IL1RAPL1: variants seen among roughly 807,000 people sequenced by gnomAD.
IL1RAPL1 encodes the protein interleukin-1 receptor accessory protein-like 1.
IL1RAPL1 carries 3 observed loss-of-function variants against 48.4 expected under a neutral mutation model. That is an observed-to-expected ratio of 0.06 (90% CI 0.03 to 0.16). The LOEUF (loss-of-function observed/expected upper bound fraction) is 0.16, where lower values mean the gene tolerates loss of function less well. Ranked by LOEUF, IL1RAPL1 falls within the 10% of genes least tolerant of loss-of-function variation. The pLI is 1.00. For synonymous variants in IL1RAPL1, 185 were observed against 187.7 expected (o/e 0.99, Z 0.12); for missense variants, 349 against 530.6 (o/e 0.66, Z 3.36).
chrX:29,639,058 C>T (rs1348406305), intron 5 of IL1RAPL1, among the ~76,000 whole-genome samples: 1 of 109,724 alleles, frequency 9.1e-6, no homozygotes, highest in Non-Finnish European at 1.9e-5. Flanking sequence ...TGGTGGTGGG[C>T]GCCTGTAGTC....
At chrX:29,234,140 G>A (rs972248573) in intron 2 of IL1RAPL1, among the ~76,000 whole-genome samples, 9 of 112,026 alleles carry the variant, frequency 8.0e-5, no homozygotes, top group South Asian at 3.7e-4. Context: ...CAGTTAAACC[G>A]CACTTGGACT....
chrX:28,768,703 TTC>T (rs1195886664), intron 1 of IL1RAPL1, among the ~76,000 whole-genome samples: 18 of 58,784 alleles, frequency 3.1e-4, no homozygotes, highest in Admixed American at 1.1e-3. Flanking sequence ...CTCTCTCTGT[TTC>T]TCTCTCTCTC....
chrX:28,689,062 A>T (rs911653864), intron 1 of IL1RAPL1, among the ~76,000 whole-genome samples: 2 of 111,428 alleles, frequency 1.8e-5, no homozygotes, highest in Non-Finnish European at 3.8e-5. Flanking sequence ...TATGTCCTAT[A>T]TAGAACCAAG....
chrX:29,824,722 G>A (rs1930695395), intron 6 of IL1RAPL1, among the ~76,000 whole-genome samples: 1 of 111,651 alleles, frequency 9.0e-6, no homozygotes, highest in Non-Finnish European at 1.9e-5. Flanking sequence ...AAATGAGAGG[G>A]TTAAACGCAT....
chrX:29,788,451 CTCTAA>C lies in IL1RAPL1; in HGVS notation c.778+119951_778+119955del, dbSNP rs774317363. Reference sequence around the variant, plus strand: ...AGGTCATGAAGCAACATTATCTGCACTCTAATCTGATCTCCTTGAATTCATAATGG... The same window carrying C: ...AGGTCATGAAGCAACATTATCTGCACTCTGATCTCCTTGAATTCATAATGG... On this transcript the variant is annotated intron_variant, in intron 6 of 10. Coordinates refer to ENST00000378993, the MANE Select transcript of IL1RAPL1 (RefSeq NM_014271.4). 2.3e-3 allele frequency among the ~76,000 whole-genome samples: 254 copies of C among 111,901 alleles called. 1 individual carries two copies. The highest frequency in any genetic ancestry group is 0.014 in the Middle Eastern group (3 of 217).
rs1300760423 is a variant in IL1RAPL1, at chrX:29,176,793, A to T, written c.83-106145A>T. 2.7e-5 allele frequency among the ~76,000 whole-genome samples: 3 copies of T among 110,514 alleles called. No individual in the cohort carries two copies. In the Admixed American group the frequency reaches 2.9e-4, roughly 11 times the overall value. On this transcript the variant is annotated intron_variant, in intron 2 of 10. Transcript: ENST00000378993. ...TCTGCTGTATTGTGCCCCCTTCCCC[A>T]CTAAAATCCTCAATGCCATTTACCA...
chrX:29,177,113 C>T (rs1052302975), intron 2 of IL1RAPL1, among the ~76,000 whole-genome samples: 1 of 111,285 alleles, frequency 9.0e-6, no homozygotes, highest in Non-Finnish European at 1.9e-5. Flanking sequence ...ACTGTATAGT[C>T]AACTGAGCTG....
chrX:28,965,508 A>T (rs1924898029), intron 2 of IL1RAPL1, among the ~76,000 whole-genome samples: 1 of 111,926 alleles, frequency 8.9e-6, no homozygotes, highest in Non-Finnish European at 1.9e-5. Context: ...AGAGAAAATA[A>T]ACCTTAGGAA....
rs764881240 is a variant in IL1RAPL1, at chrX:29,940,074, G to A, written c.1058-1577G>A. 3.6e-5 allele frequency among the ~76,000 whole-genome samples: 4 copies of A among 110,386 alleles called. No homozygotes were observed. The South Asian group carries it at 1.6e-3, about 43-fold the overall frequency. On this transcript the variant is annotated intron_variant, in intron 8 of 10. Coordinates refer to ENST00000378993, the MANE Select transcript of IL1RAPL1 (RefSeq NM_014271.4). ...GACAGGGTTTCGCCACGTTGGCCAG[G>A]CTGGTCTCAAACTCCTGACCTCAGG...
At chrX:28,789,783 A>G (rs1046516158) in intron 2 of IL1RAPL1, among the ~76,000 whole-genome samples, 1 of 111,981 alleles carries the variant, frequency 8.9e-6, no homozygotes, top group Non-Finnish European at 1.9e-5. Context: ...TTTTATTGTT[A>G]CCATTTTGAT....
chrX:28,833,999 ATTAT>A (rs1921140262), intron 2 of IL1RAPL1, among the ~76,000 whole-genome samples: 1 of 112,231 alleles, frequency 8.9e-6, no homozygotes, highest in African/African-American at 3.2e-5. Context: ...CCACTTTCAA[ATTAT>A]TTATTGAGGT....
chrX:29,411,705 C>CTTTTTTTT, intron 5 of IL1RAPL1, among the ~76,000 whole-genome samples: 1 of 95,986 alleles, frequency 1.0e-5, no homozygotes, highest in African/African-American at 3.8e-5. Context: ...GAAACAACTA[C>CTTTTTTTT]TTTTTTTTTT....
Position 29,691,723 on chromosome X carries a change from C to A in IL1RAPL1, c.778+23219C>A, listed in dbSNP as rs371147846. On this transcript the variant is annotated intron_variant, in intron 6 of 10. Transcript: ENST00000378993. ...TGCGCCACTGCAGTCCGCAGTCCGG[C>A]CTGGGCGACAGAGCGAGACTCCGTC... 6.5e-5 allele frequency among the ~76,000 whole-genome samples: 6 copies of A among 92,242 alleles called. No individual in the cohort carries two copies. The East Asian group carries it at 1.8e-3, about 28-fold the overall frequency. 80.1% of individuals were successfully genotyped at this position (92,242 alleles called of 115,157 possible).
chrX:28,831,024 C>CTGTGTGTGTGTGTG (rs150869644), intron 2 of IL1RAPL1, among the ~76,000 whole-genome samples: 3 of 59,230 alleles, frequency 5.1e-5, no homozygotes, highest in African/African-American at 2.3e-4. Context: ...CTCTCTCTCT[C>CTGTGTGTGTGTGTG]TCTGTGTGTG....
At chrX:29,317,820 A>T (rs971201108) in intron 3 of IL1RAPL1, among the ~76,000 whole-genome samples, 4 of 112,124 alleles carry the variant, frequency 3.6e-5, no homozygotes, top group African/African-American at 1.3e-4. Flanking sequence ...TGATATTGTA[A>T]AGATTTTTTT....
At chrX:29,902,828 G>A (rs1203339869) in intron 6 of IL1RAPL1, among the ~76,000 whole-genome samples, 2 of 111,388 alleles carry the variant, frequency 1.8e-5, no homozygotes, top group Non-Finnish European at 3.8e-5. Context: ...TAGTAATGTA[G>A]TATAAAATCT....
At chrX:29,553,507 C>T (rs1334124301) in intron 5 of IL1RAPL1, among the ~76,000 whole-genome samples, 1 of 111,544 alleles carries the variant, frequency 9.0e-6, no homozygotes, top group Non-Finnish European at 1.9e-5. Context: ...TTTTAGTGGG[C>T]CTGTGTCCCT....
intron 2 of IL1RAPL1, among the ~76,000 whole-genome samples, chrX:29,184,958 A>G (rs772817235): frequency 8.9e-6 from 1 of 112,169 alleles, no homozygotes; most frequent in East Asian, 2.8e-4. Flanking sequence ...ATAGAAGACA[A>G]TTTTGTGAGT....
intron 3 of IL1RAPL1, among the ~76,000 whole-genome samples, chrX:29,380,320 C>T (rs1287391282): frequency 5.4e-5 from 6 of 112,119 alleles, no homozygotes; most frequent in East Asian, 2.8e-4. Flanking sequence ...CTCCGCCTCT[C>T]GGGTTCAAGT....
Sources: allele counts gnomAD v4.1 joint callset (sites outside exome capture counted in the v4.1 genomes callset), GRCh38; gene constraint gnomAD v4.1.1; transcripts MANE v1.5; gene names NCBI Gene and HGNC (gene_info 2026-07-23, HGNC 2026-07-21).